AMMECR1: variants seen among roughly 807,000 people sequenced by gnomAD.
The protein encoded by AMMECR1 is nuclear protein AMMECR1.
AMMECR1 carries 3 observed loss-of-function variants against 22.5 expected under a neutral mutation model. The observed-to-expected ratio is 0.13, with a 90% CI of 0.06 to 0.35. The LOEUF (loss-of-function observed/expected upper bound fraction) is 0.35. Ranked by LOEUF, AMMECR1 falls within the 10% of genes least tolerant of loss-of-function variation. The probability of loss-of-function intolerance (pLI) is 1.00; values close to 1 mark genes in which losing one functional copy is unlikely to be tolerated. For missense variants in AMMECR1, 235 were observed against 278.7 expected (o/e 0.84, Z 1.12); for synonymous variants, 130 against 116.7 (o/e 1.11, Z -0.74).
intron 3 of AMMECR1, among the ~76,000 whole-genome samples, chrX:110,215,892 C>A (rs1041294344): frequency 9.0e-6 from 1 of 111,586 alleles, no homozygotes; most frequent in Non-Finnish European, 1.9e-5. Flanking sequence ...ACTTCACTAA[C>A]AATGTTAGCC....
At chrX:110,277,224 CA>C (rs1437138550) in intron 1 of AMMECR1, among the ~76,000 whole-genome samples, 1 of 111,342 alleles carries the variant, frequency 9.0e-6, no homozygotes, top group African/African-American at 3.3e-5. Context: ...GTAGGTTTTA[CA>C]TATTAAATGT....
At chrX:110,290,478 T>C (rs767336716) in intron 1 of AMMECR1, among the ~76,000 whole-genome samples, 58 of 112,456 alleles carry the variant, frequency 5.2e-4, no homozygotes, top group African/African-American at 1.8e-3. Context: ...ATTGCTAGTA[T>C]AACGTCTATG....
chrX:110,399,710 C>T (rs1211114891), intron 2 of AMMECR1, among the ~76,000 whole-genome samples: 5 of 111,571 alleles, frequency 4.5e-5, no homozygotes. Context: ...TTGGGAGGCT[C>T]AGAAAAACAA....
At chrX:110,216,915 C>T (rs1027493499) in intron 2 of AMMECR1, among the ~76,000 whole-genome samples, 1 of 110,795 alleles carries the variant, frequency 9.0e-6, no homozygotes, top group Non-Finnish European at 1.9e-5. Context: ...ATGTCTTTCC[C>T]TGCTACTTGT....
intron 2 of AMMECR1, among the ~76,000 whole-genome samples, chrX:110,384,576 T>C (rs935994453): frequency 2.7e-5 from 3 of 111,581 alleles, no homozygotes; most frequent in African/African-American, 9.8e-5. Context: ...AGCCATTTTC[T>C]GGAACTTGAG....
chrX:110,322,725 AGATCC>A (rs2068083815), upstream of AMMECR1, among the ~76,000 whole-genome samples: 1 of 112,204 alleles, frequency 8.9e-6, no homozygotes, highest in Admixed American at 9.4e-5. Context: ...AACCTCTGCT[AGATCC>A]CACTTGAAGT....
intron 2 of AMMECR1, among the ~76,000 whole-genome samples, chrX:110,245,269 TCTC>T (rs1408226628): frequency 8.9e-6 from 1 of 111,849 alleles, no homozygotes; most frequent in Non-Finnish European, 1.9e-5. Context: ...GTAAATCCCT[TCTC>T]CTTCTGTAAC....
intron 1 of AMMECR1, among the ~76,000 whole-genome samples, chrX:110,297,819 A>G (rs2067945433): frequency 9.0e-6 from 1 of 111,204 alleles, no homozygotes; most frequent in Admixed American, 9.6e-5. Context: ...TCAGCTCTTA[A>G]AATTGCCCAA....
At position 110,195,163 on chromosome X, in the gene AMMECR1, CAAGAT is replaced by C. The variant is rs1160560151; in HGVS notation, c.*3352_*3356del. 5.4e-5 allele frequency: 6 copies of C among 112,029 alleles called. No homozygotes were observed. The highest frequency in any genetic ancestry group is 9.7e-5 in the African/African-American group (3 of 30,798). 9.2% of individuals were successfully genotyped at this position (112,029 alleles called of 1,213,427 possible). On this transcript the variant is annotated 3_prime_UTR_variant, in exon 6 of 6. Coordinates refer to ENST00000262844, the MANE Select transcript of AMMECR1 (RefSeq NM_015365.3). ...TTCAAATTTCCTGCACATTTGAAGA[CAAGAT>C]AAGAGGCCAGTATACAAACTTCCGG...
intron 1 of AMMECR1, among the ~76,000 whole-genome samples, chrX:110,430,283 C>T (rs1178646058): frequency 2.7e-5 from 3 of 112,727 alleles, no homozygotes; most frequent in African/African-American, 3.2e-5. Flanking sequence ...TAACAAAGAA[C>T]AGTAGGCACA....
upstream of AMMECR1, among the ~76,000 whole-genome samples, chrX:110,321,587 G>A (rs2068079248): frequency 9.0e-6 from 1 of 111,483 alleles, no homozygotes; most frequent in African/African-American, 3.3e-5. Flanking sequence ...TATTATCATT[G>A]CCTCAATTTG....
chrX:110,229,252 G>T (rs1338691296), intron 2 of AMMECR1, among the ~76,000 whole-genome samples: 2 of 112,085 alleles, frequency 1.8e-5, no homozygotes, highest in East Asian at 5.6e-4. Flanking sequence ...TCTCTTGTCT[G>T]GTCATATCTT....
chrX:110,195,478 A>G lies in AMMECR1; in HGVS notation c.*3042T>C, dbSNP rs1266233389. 2 of 112,270 alleles carry G rather than the reference A, an allele frequency of 1.8e-5. No homozygotes were observed. Among genetic ancestry groups the G allele is most frequent in the Non-Finnish European group, 3.8e-5 (2 of 53,233 alleles). 9.3% of individuals were successfully genotyped at this position (112,270 alleles called of 1,213,427 possible). On this transcript the variant is annotated 3_prime_UTR_variant, in exon 6 of 6. Coordinates refer to ENST00000262844, the MANE Select transcript of AMMECR1 (RefSeq NM_015365.3). Reference sequence around the variant, plus strand: ...CTTTTGCTACATACCAAAGCAAAGTACGTACTATTTCCAAGAGGAAAAATA... The same window carrying G: ...CTTTTGCTACATACCAAAGCAAAGTGCGTACTATTTCCAAGAGGAAAAATA...
intron 2 of AMMECR1, among the ~76,000 whole-genome samples, chrX:110,410,301 G>C (rs780415188): frequency 5.7e-4 from 64 of 111,864 alleles, no homozygotes; most frequent in Non-Finnish European, 9.4e-4. Context: ...CCTAGAGGTA[G>C]AGGACAGAGG....
chrX:110,224,601 T>TTATACTGCAGGCAGGGATTCA (rs1274950857), intron 2 of AMMECR1, among the ~76,000 whole-genome samples: 3 of 111,640 alleles, frequency 2.7e-5, no homozygotes, highest in Non-Finnish European at 5.6e-5. Context: ...AGAGTTTCCA[T>TTATACTGCAGGCAGGGATTCA]TATACTGCAG....
Position 110,317,711 on chromosome X carries a change from A to G in AMMECR1, c.361T>C (p.Ser121Pro). 1 of 1,204,676 alleles carries G rather than the reference A, an allele frequency of 8.3e-7. No homozygotes were observed. The highest frequency in any genetic ancestry group is 1.1e-6 in the Non-Finnish European group (1 of 891,728). ...SSAASSSSPG[S>P]RKMVVSAEMC... is the part of the protein sequence containing the mutation. ...TCTGCTGACACCACCATCTTCCGGG[A>G]GCCCGGCGATGAGGACGAGGCGGCG... The change falls in exon 1 of 6, where the codon TCC becomes CCC. Residue 121 changes from serine (S) to proline (P), a missense_variant. By Grantham distance (74) the Ser-to-Pro change is moderately conservative (BLOSUM62 -1). Coordinates refer to ENST00000262844, the MANE Select transcript of AMMECR1 (RefSeq NM_015365.3).
At chrX:110,286,792 TA>T (rs941042579) in intron 1 of AMMECR1, among the ~76,000 whole-genome samples, 1 of 110,815 alleles carries the variant, frequency 9.0e-6, no homozygotes, top group African/African-American at 3.3e-5. Flanking sequence ...AGACCTTAGT[TA>T]AAAAAAATCA....
chrX:110,414,665 T>A (rs1465251529), intron 2 of AMMECR1, among the ~76,000 whole-genome samples: 2 of 112,794 alleles, frequency 1.8e-5, no homozygotes, highest in Admixed American at 1.9e-4. Context: ...TGATGAATTA[T>A]TGTGACAAGC....
chrX:110,318,146 C>A (rs2068062486), upstream of AMMECR1: 1 of 918,331 alleles, frequency 1.1e-6, no homozygotes, highest in Middle Eastern at 4.5e-4. Context: ...GAGCACGCTG[C>A]GGCTCAGGCC....
Sources: allele counts gnomAD v4.1 joint callset (sites outside exome capture counted in the v4.1 genomes callset), GRCh38; gene constraint gnomAD v4.1.1; transcripts MANE v1.5; gene names NCBI Gene and HGNC (gene_info 2026-07-23, HGNC 2026-07-21).